The following SHISA9 variants were observed in gnomAD, a reference collection of about 807,000 sequenced individuals.
SHISA9 encodes shisa family member 9.
In SHISA9, 13 loss-of-function variants were observed where a neutral mutation model predicts 38.0. That is an observed-to-expected ratio of 0.34 (90% CI 0.22 to 0.54). SHISA9 has a LOEUF of 0.54. SHISA9 is among the 20% of genes least tolerant of loss of function. The pLI is 0.91. For missense variants in SHISA9, 538 were observed against 575.8 expected (o/e 0.93, Z 0.67); for synonymous variants, 275 against 242.0 (o/e 1.14, Z -1.27).
the SHISA9 span, among the ~76,000 whole-genome samples, chr16:13,469,326 GAA>G: frequency 1.0e-5 from 1 of 95,772 alleles, no homozygotes; most frequent in Admixed American, 1.3e-4. Context: ...GAGAGAGAAA[GAA>G]AGAAAGAAAG....
the SHISA9 span, among the ~76,000 whole-genome samples, chr16:13,435,468 C>T: frequency 3.3e-5 from 5 of 152,332 alleles, no homozygotes; most frequent in Middle Eastern, 0.014. Flanking sequence ...GAAAATGACA[C>T]TTGTTCCAGT....
At chr16:13,371,145 T>A in the SHISA9 span, among the ~76,000 whole-genome samples, 1 of 152,186 alleles carries the variant, frequency 6.6e-6, no homozygotes, top group Non-Finnish European at 1.5e-5. Context: ...ATGGAGGCAG[T>A]GTTAGGTAAC....
the SHISA9 span, among the ~76,000 whole-genome samples, chr16:13,505,056 C>T: frequency 6.6e-6 from 1 of 152,146 alleles, no homozygotes; most frequent in Non-Finnish European, 1.5e-5. Flanking sequence ...TTTGAATGCT[C>T]CATAGGTTGT....
the SHISA9 span, among the ~76,000 whole-genome samples, chr16:13,478,115 C>T: frequency 2.6e-5 from 4 of 152,264 alleles, no homozygotes; most frequent in Admixed American, 1.3e-4. Flanking sequence ...CTCTTCCATC[C>T]GGTTGTTTCT....
At chr16:13,054,606 G>C (rs997037047) in intron 2 of SHISA9, among the ~76,000 whole-genome samples, 1 of 152,154 alleles carries the variant, frequency 6.6e-6, no homozygotes, top group African/African-American at 2.4e-5. Context: ...GGCAACAATG[G>C]GATTTTGCTA....
intron 1 of SHISA9, chr16:12,909,642 T>A: frequency 1.0e-6 from 1 of 978,138 alleles, no homozygotes; most frequent in Non-Finnish European, 1.2e-6. Flanking sequence ...GGGTCCCAGC[T>A]CCAATGTCAT....
chr16:13,489,248 C>A, the SHISA9 span, among the ~76,000 whole-genome samples: 1 of 152,144 alleles, frequency 6.6e-6, no homozygotes, highest in Non-Finnish European at 1.5e-5. Flanking sequence ...CAGGGTCTCA[C>A]CATGTTGGCC....
chr16:13,441,609 A>G, the SHISA9 span, among the ~76,000 whole-genome samples: 1 of 152,124 alleles, frequency 6.6e-6, no homozygotes, highest in Non-Finnish European at 1.5e-5. Context: ...GCTAAGTGAA[A>G]ATGCTCTATA....
chr16:13,426,477 G>T, the SHISA9 span, among the ~76,000 whole-genome samples: 2 of 152,186 alleles, frequency 1.3e-5, no homozygotes, highest in African/African-American at 4.8e-5. Flanking sequence ...GGCACTGTCT[G>T]TGTACCTTTC....
intron 2 of SHISA9, among the ~76,000 whole-genome samples, chr16:12,956,344 A>G (rs1252543330): frequency 6.6e-6 from 1 of 152,266 alleles, no homozygotes; most frequent in Non-Finnish European, 1.5e-5. Context: ...AATTAAAAAT[A>G]GAACTACCAT....
chr16:13,168,792 A>C (rs1596697656), intron 2 of SHISA9, among the ~76,000 whole-genome samples: 1 of 152,332 alleles, frequency 6.6e-6, no homozygotes, highest in East Asian at 1.9e-4. Context: ...CACTTGCACC[A>C]TCTGCCAACT....
chr16:13,167,021 A>AT (rs897420946), intron 2 of SHISA9, among the ~76,000 whole-genome samples: 12 of 148,776 alleles, frequency 8.1e-5, no homozygotes, highest in Admixed American at 2.7e-4. Flanking sequence ...CTTTAGGAGA[A>AT]TTTTTTTTAT....
chr16:13,087,527 G>A (rs1194636237), intron 2 of SHISA9, among the ~76,000 whole-genome samples: 1 of 152,118 alleles, frequency 6.6e-6, no homozygotes, highest in Non-Finnish European at 1.5e-5. Context: ...TCTAAATGGT[G>A]TGAGATGGTA....
the SHISA9 span, among the ~76,000 whole-genome samples, chr16:13,382,322 G>A: frequency 6.6e-6 from 1 of 151,998 alleles, no homozygotes; most frequent in African/African-American, 2.4e-5. Flanking sequence ...GAGGACAGGA[G>A]TTCGAGACCA....
chr16:13,141,679 C>T (rs907126984), intron 2 of SHISA9, among the ~76,000 whole-genome samples: 7 of 152,028 alleles, frequency 4.6e-5, no homozygotes, highest in African/African-American at 1.7e-4. Context: ...AAGACTCCAT[C>T]TCAAATATAT....
chr16:13,476,746 T>TTTTG, the SHISA9 span, among the ~76,000 whole-genome samples: 5 of 111,062 alleles, frequency 4.5e-5, no homozygotes, highest in African/African-American at 2.1e-4. Flanking sequence ...GTGTTTTTTT[T>TTTTG]TTTTTTTTTT....
At chr16:13,504,777 A>G in the SHISA9 span, among the ~76,000 whole-genome samples, 1 of 152,176 alleles carries the variant, frequency 6.6e-6, no homozygotes, top group Non-Finnish European at 1.5e-5. Flanking sequence ...TACCTCTAGT[A>G]CTCACATCAT....
At chr16:13,160,702 G>A (rs2050587880) in intron 2 of SHISA9, among the ~76,000 whole-genome samples, 1 of 152,260 alleles carries the variant, frequency 6.6e-6, no homozygotes, top group Middle Eastern at 3.4e-3. Flanking sequence ...ACCCCCCAGG[G>A]GCTTAGTTTA....
the SHISA9 span, among the ~76,000 whole-genome samples, chr16:13,376,103 A>G: frequency 6.6e-6 from 1 of 152,204 alleles, no homozygotes; most frequent in Non-Finnish European, 1.5e-5. Flanking sequence ...TAGAAAAAAG[A>G]GAGAAAATGA....
Sources: allele counts gnomAD v4.1 joint callset (sites outside exome capture counted in the v4.1 genomes callset), GRCh38; gene constraint gnomAD v4.1.1; transcripts MANE v1.5; gene names NCBI Gene and HGNC (gene_info 2026-07-23, HGNC 2026-07-21).